FAM135B: variants seen among roughly 807,000 people sequenced by gnomAD.
FAM135B encodes the protein family with sequence similarity 135 member B.
FAM135B carries 43 observed loss-of-function variants against 127.7 expected under a neutral mutation model. That is an observed-to-expected ratio of 0.34 (90% CI 0.26 to 0.43). The LOEUF is 0.43. Ranked by LOEUF, FAM135B falls within the 20% of genes least tolerant of loss-of-function variation. FAM135B has a pLI of 1.00. For missense variants in FAM135B, 1,558 were observed against 1,725.6 expected, an observed-to-expected ratio of 0.90 and a Z score of 1.72; for synonymous variants, 670 against 665.1, an observed-to-expected ratio of 1.01 and a Z score of -0.11.
chr8:138,272,568 C>G (rs952213209), intron 3 of FAM135B, among the ~76,000 whole-genome samples: 3 of 152,224 alleles, frequency 2.0e-5, no homozygotes. Flanking sequence ...CTCATCAACA[C>G]TGAGTGGGCT....
chr8:138,206,219 C>T (rs929498102), intron 7 of FAM135B, among the ~76,000 whole-genome samples: 1 of 151,552 alleles, frequency 6.6e-6, no homozygotes, highest in Non-Finnish European at 1.5e-5. Flanking sequence ...CTCTCATCCC[C>T]TCCACCTACA....
intron 3 of FAM135B, among the ~76,000 whole-genome samples, chr8:138,306,669 G>C (rs1008132055): frequency 4.6e-5 from 7 of 150,702 alleles, no homozygotes; most frequent in Admixed American, 6.6e-5. Context: ...TGCAACCTCT[G>C]CCTCCCGGGT....
At chr8:138,488,361 T>C (rs1021425423) in intron 1 of FAM135B, among the ~76,000 whole-genome samples, 25 of 151,140 alleles carry the variant, frequency 1.7e-4, no homozygotes, top group Admixed American at 1.4e-3. Context: ...GAGGAGATAA[T>C]AGAAAACAAA....
intron 1 of FAM135B, among the ~76,000 whole-genome samples, chr8:138,371,183 A>G (rs1831090219): frequency 6.6e-6 from 1 of 152,222 alleles, no homozygotes; most frequent in Admixed American, 6.5e-5. Flanking sequence ...CCTCATTGCT[A>G]AGAGGTGAAG....
At chr8:138,155,759 A>G (rs1013853041) in intron 12 of FAM135B, among the ~76,000 whole-genome samples, 1 of 152,224 alleles carries the variant, frequency 6.6e-6, no homozygotes, top group African/African-American at 2.4e-5. Flanking sequence ...TCCTAAATAT[A>G]TATGCACCCA....
rs2130779317 is a variant in FAM135B, at chr8:138,152,718, C to A, written c.1757G>T (p.Gly586Val). 1 of 1,614,198 alleles carries A rather than the reference C, an allele frequency of 6.2e-7. No homozygotes were observed. Among genetic ancestry groups the A allele is most frequent in the South Asian group, 1.1e-5 (1 of 91,080 alleles). The change falls in exon 13 of 20, where the codon GGA (glycine) becomes GTA (valine). Residue 586 changes from glycine (G) to valine (V), a missense_variant. Physicochemically the swap from Gly to Val is moderately radical, Grantham distance 109 (BLOSUM62 -3). Around this residue, in one of 5 missense-constraint regions of FAM135B, gnomAD observed 923 missense variants for 865.3 expected, o/e 1.07. Coordinates refer to ENST00000395297, the MANE Select transcript of FAM135B (RefSeq NM_015912.4). ...HESRSSRDKYGLDRTGLSKVV... is the reference protein window; with the variant it reads ...HESRSSRDKYVLDRTGLSKVV... ...TTTGCTTAGCCCAGTCCTGTCTAAT[C>A]CATACTTATCTCTAGAGCTCCTACT... is the stretch of plus-strand genomic sequence containing the variant.
chr8:138,394,870 G>C (rs1039768680), intron 1 of FAM135B, among the ~76,000 whole-genome samples: 1 of 152,170 alleles, frequency 6.6e-6, no homozygotes, highest in African/African-American at 2.4e-5. Context: ...TTGCCAGCTG[G>C]GTACACGTAA....
intron 3 of FAM135B, among the ~76,000 whole-genome samples, chr8:138,278,438 C>T (rs1198142859): frequency 6.6e-6 from 1 of 151,708 alleles, no homozygotes; most frequent in African/African-American, 2.4e-5. Context: ...TATGTGTTTG[C>T]TCAATTAAAC....
At chr8:138,215,853 A>G (rs865990016) in intron 7 of FAM135B, among the ~76,000 whole-genome samples, 8 of 152,290 alleles carry the variant, frequency 5.3e-5, no homozygotes, top group African/African-American at 1.9e-4. Flanking sequence ...CCCAGAAGAT[A>G]TTCTGGCAGC....
At chr8:138,432,272 G>A (rs6996678) in intron 1 of FAM135B, among the ~76,000 whole-genome samples, 31,537 of 152,054 alleles carry the variant, frequency 0.21, 5,193 homozygotes, top group African/African-American at 0.46. Flanking sequence ...ATGCCTGAAT[G>A]TAGCCCTGAA....
intron 6 of FAM135B, among the ~76,000 whole-genome samples, chr8:138,245,748 C>T (rs1463960943): frequency 1.3e-5 from 2 of 152,096 alleles, no homozygotes; most frequent in Non-Finnish European, 2.9e-5. Context: ...GACTTTAGAA[C>T]TGAGTAACAG....
At chr8:138,478,197 A>G (rs1814603856) in intron 1 of FAM135B, among the ~76,000 whole-genome samples, 1 of 152,248 alleles carries the variant, frequency 6.6e-6, no homozygotes, top group African/African-American at 2.4e-5. Context: ...GTACCTTATC[A>G]GTCCCACCTC....
At chr8:138,210,773 T>A (rs10875419) in intron 7 of FAM135B, among the ~76,000 whole-genome samples, 4 of 151,978 alleles carry the variant, frequency 2.6e-5, no homozygotes, top group Non-Finnish European at 5.9e-5. Context: ...CAATAGGCTT[T>A]CTACATATGG....
chr8:138,335,406 C>A (rs1036375149), intron 2 of FAM135B, among the ~76,000 whole-genome samples: 2 of 152,154 alleles, frequency 1.3e-5, no homozygotes, highest in South Asian at 4.2e-4. Flanking sequence ...AATAGTCATA[C>A]AAATTATCTA....
chr8:138,170,202 A>G (rs1397666555), intron 11 of FAM135B, among the ~76,000 whole-genome samples: 1 of 149,808 alleles, frequency 6.7e-6, no homozygotes, highest in Non-Finnish European at 1.5e-5. Context: ...GTTGTAACTA[A>G]GACACTGTTA....
chr8:138,376,628 A>G (rs76879921), intron 1 of FAM135B, among the ~76,000 whole-genome samples: 2,253 of 152,326 alleles, frequency 0.015, 46 homozygotes, highest in African/African-American at 0.052. Flanking sequence ...CTGAGCTTTA[A>G]TCTATTTCCT....
At chr8:138,240,799 C>T (rs1299914987) in intron 7 of FAM135B, among the ~76,000 whole-genome samples, 1 of 152,170 alleles carries the variant, frequency 6.6e-6, no homozygotes, top group Non-Finnish European at 1.5e-5. Context: ...AGGACAGAAA[C>T]CTTCTCATAA....
At chr8:138,476,741 AT>A (rs1197953149) in intron 1 of FAM135B, among the ~76,000 whole-genome samples, 8 of 152,182 alleles carry the variant, frequency 5.3e-5, no homozygotes, top group East Asian at 1.9e-4. Context: ...AACAGTTAGC[AT>A]TTTTTTCCCC....
chr8:138,258,803 C>CCACACACACACACA lies in FAM135B; in HGVS notation c.298-2058_298-2045dup, dbSNP rs57817492. Among the ~76,000 whole-genome samples the CCACACACACACACA allele has an allele frequency of 8.0e-3, 1,175 of 146,610 alleles. 13 individuals carry two copies. Among genetic ancestry groups the CCACACACACACACA allele is most frequent in the African/African-American group, 0.026 (1,000 of 39,112 alleles). ...CCCTCCCTTCAAAAAGACACACACACCACACACACACACACACACACACAC... is the reference window on the plus strand; with the variant it reads ...CCCTCCCTTCAAAAAGACACACACACCACACACACACACACACACACACACACACACACACACAC... On this transcript the variant is annotated intron_variant, in intron 4 of 19. Transcript: ENST00000395297.
Sources: allele counts gnomAD v4.1 joint callset (sites outside exome capture counted in the v4.1 genomes callset), GRCh38; gene constraint gnomAD v4.1.1; regional missense constraint gnomAD v4.1.1; transcripts MANE v1.5; gene names NCBI Gene and HGNC (gene_info 2026-07-23, HGNC 2026-07-21).